The following WBP2NL variants were observed in gnomAD, a reference collection of about 807,000 sequenced individuals.
WBP2NL encodes WBP2 N-terminal like.
In WBP2NL, 27 loss-of-function variants were observed where a neutral mutation model predicts 23.3. The observed-to-expected ratio is 1.16, with a 90% confidence interval of 0.85 to 1.60. The LOEUF is 1.60. Ranked by LOEUF, WBP2NL falls within the 40% of genes most tolerant of loss-of-function variation. The probability of loss-of-function intolerance (pLI) is 0.00; values close to 1 mark genes in which losing one functional copy is unlikely to be tolerated. For synonymous variants in WBP2NL, 151 were observed against 145.9 expected (o/e 1.03, Z -0.25); for missense variants, 370 against 389.5 (o/e 0.95, Z 0.42).
downstream of WBP2NL, chr22:42,030,483 A>G (rs1443455741): frequency 6.6e-6 from 1 of 152,266 alleles, no homozygotes; most frequent in Non-Finnish European, 1.5e-5. Flanking sequence ...TTATGGGTCT[A>G]GGAAGCTGGA....
chr22:42,026,076 C>A (rs1326539007), intron 5 of WBP2NL, among the ~76,000 whole-genome samples: 1 of 151,920 alleles, frequency 6.6e-6, no homozygotes, highest in African/African-American at 2.4e-5. Context: ...TCGAGACCAT[C>A]CTGGCTAACA....
At chr22:42,021,164 C>T (rs901753626) in intron 4 of WBP2NL, among the ~76,000 whole-genome samples, 1 of 151,694 alleles carries the variant, frequency 6.6e-6, no homozygotes, top group South Asian at 2.1e-4. Flanking sequence ...AGGAGATCCA[C>T]CTGCCTCAGC....
chr22:42,017,745 C>T lies in WBP2NL; in HGVS notation c.63-1566C>T, dbSNP rs1000768439. Among the ~76,000 whole-genome samples, 7 of 152,160 alleles carry T rather than the reference C, an allele frequency of 4.6e-5. No individual in the cohort carries two copies. In the East Asian group the frequency reaches 1.2e-3, roughly 25 times the overall value. On this transcript the variant is annotated intron_variant, in intron 1 of 5. Transcript: ENST00000328823. ...AAGGCTGGGGGACTGGGTATGGTGG[C>T]GCATTCCTGTAGTCCTAGCACATTG...
chr22:42,019,470 C>T, intron 2 of WBP2NL, 51 bp downstream of exon 2: 1 of 1,580,354 alleles, frequency 6.3e-7, no homozygotes, highest in Non-Finnish European at 8.6e-7. Context: ...ATTTGTTTTC[C>T]TTGAAATGAA....
At chr22:42,018,589 G>A (rs1164681456) in intron 1 of WBP2NL, among the ~76,000 whole-genome samples, 1 of 152,194 alleles carries the variant, frequency 6.6e-6, no homozygotes, top group Non-Finnish European at 1.5e-5. Context: ...CAGGTTAACA[G>A]TAAGGAGAGA....
intron 1 of WBP2NL, among the ~76,000 whole-genome samples, chr22:42,015,288 C>A (rs1348188508): frequency 6.6e-6 from 1 of 152,222 alleles, no homozygotes; most frequent in African/African-American, 2.4e-5. Flanking sequence ...GGAACAACAA[C>A]AACAAAATCT....
At chr22:42,031,586 C>G (rs1244405740), downstream of WBP2NL, 1 of 152,190 alleles carries the variant, frequency 6.6e-6, no homozygotes, top group Non-Finnish European at 1.5e-5. Flanking sequence ...TCCAAATACT[C>G]CTTTTCATGG....
intron 1 of WBP2NL, 103 bp downstream of exon 1, chr22:41,998,983 T>A: frequency 7.3e-7 from 1 of 1,364,106 alleles, no homozygotes; most frequent in Non-Finnish European, 9.8e-7. Flanking sequence ...TGCCGCCTTT[T>A]TTGGGCGCGG....
intron 8 of WBP2NL, among the ~76,000 whole-genome samples, chr22:42,045,390 A>C (rs1215225151): frequency 6.6e-6 from 1 of 152,146 alleles, no homozygotes; most frequent in Non-Finnish European, 1.5e-5. Context: ...GCAGTGAGCC[A>C]CTGCACTCCA....
At chr22:42,023,056 G>A (rs558358124) in intron 5 of WBP2NL, among the ~76,000 whole-genome samples, 30 of 152,140 alleles carry the variant, frequency 2.0e-4, no homozygotes, top group African/African-American at 7.2e-4. Flanking sequence ...TTTTTCAGTT[G>A]GTGAAATTCA....
At chr22:42,022,142 A>G in intron 4 of WBP2NL, 107 bp from the exon 5 acceptor site, 2 of 909,972 alleles carry the variant, frequency 2.2e-6, no homozygotes, top group Non-Finnish European at 3.6e-6. Flanking sequence ...ATTGTTGGAA[A>G]CACATGTAAG....
chr22:42,027,159 C>G lies in WBP2NL; in HGVS notation c.908C>G (p.Ser303Cys). 1 of 1,613,476 alleles carries G rather than the reference C, an allele frequency of 6.2e-7. No individual in the cohort carries two copies. Among genetic ancestry groups the G allele is most frequent in the Non-Finnish European group, 8.5e-7 (1 of 1,179,722 alleles). The change falls in exon 6 of 6, where the codon TCC becomes TGC. Residue 303 changes from serine (S) to cysteine (C), a missense_variant. Physicochemically the swap from Ser to Cys is moderately radical, Grantham distance 112. Transcript: ENST00000328823. ...PENEASLPSASSSQVHS is the reference protein window; with the variant it reads ...PENEASLPSACSSQVHS The stretch of plus-strand genomic sequence containing the variant: ...AACGAGGCTTCTCTTCCCTCTGCCT[C>G]CTCTTCTCAGGTCCATTCTTAACCT...
At chr22:42,000,239 G>C (rs1056726039) in intron 1 of WBP2NL, among the ~76,000 whole-genome samples, 5 of 152,162 alleles carry the variant, frequency 3.3e-5, no homozygotes, top group African/African-American at 1.2e-4. Flanking sequence ...CCTCCAGAAA[G>C]TTTTCTTGAC....
intron 8 of WBP2NL, among the ~76,000 whole-genome samples, chr22:42,058,110 G>A (rs1408298949): frequency 6.7e-6 from 1 of 150,208 alleles, no homozygotes; most frequent in East Asian, 1.9e-4. Context: ...TAGAGATGGG[G>A]TTTCACCGTG....
intron 8 of WBP2NL, among the ~76,000 whole-genome samples, chr22:42,049,282 T>C (rs1925722827): frequency 6.6e-6 from 1 of 152,084 alleles, no homozygotes. Context: ...ACTAGCGCAA[T>C]TGGACATTCA....
At chr22:42,046,957 A>G (rs1925610279) in intron 8 of WBP2NL, among the ~76,000 whole-genome samples, 2 of 152,174 alleles carry the variant, frequency 1.3e-5, no homozygotes, top group Admixed American at 1.3e-4. Flanking sequence ...CTTTTCAGGT[A>G]TCTAACTCAT....
chr22:42,025,981 CAT>C (rs1442073256), intron 5 of WBP2NL, among the ~76,000 whole-genome samples: 3 of 152,068 alleles, frequency 2.0e-5, no homozygotes, highest in African/African-American at 7.2e-5. Context: ...TTTAAAAAAT[CAT>C]ATGGCTGGCC....
At chr22:42,022,400 T>C (rs779477119) in intron 5 of WBP2NL, 44 bp downstream of exon 5, 3 of 1,517,872 alleles carry the variant, frequency 2.0e-6, no homozygotes, top group South Asian at 1.2e-5. Flanking sequence ...TGGAAAATTA[T>C]GCCAGAGGCT....
chr22:42,015,244 G>A (rs781307059), intron 1 of WBP2NL, among the ~76,000 whole-genome samples: 3 of 152,110 alleles, frequency 2.0e-5, no homozygotes, highest in Non-Finnish European at 4.4e-5. Flanking sequence ...TCAGTGGCCA[G>A]CTAGTGATTT....
Sources: allele counts gnomAD v4.1 joint callset (sites outside exome capture counted in the v4.1 genomes callset), GRCh38; gene constraint gnomAD v4.1.1; transcripts MANE v1.5; gene names NCBI Gene and HGNC (gene_info 2026-07-23, HGNC 2026-07-21).